TUSC3: variants seen among roughly 807,000 people sequenced by gnomAD.
The protein encoded by TUSC3 is tumor suppressor candidate 3, also known as dolichyl-diphosphooligosaccharide--protein glycosyltransferase subunit TUSC3.
A neutral mutation model predicts 44.8 loss-of-function variants in TUSC3; 45 were observed. That is an observed-to-expected ratio of 1.00 (90% confidence interval 0.79 to 1.29). The LOEUF is 1.29. Among genes scored for constraint, TUSC3 ranks in the 50% most tolerant of loss-of-function variants. The probability of loss-of-function intolerance (pLI) is 0.00; values close to 1 mark genes in which losing one functional copy is unlikely to be tolerated. For missense variants in TUSC3, 519 were observed against 437.9 expected (o/e 1.19, Z -1.65); for synonymous variants, 212 against 152.9 (o/e 1.39, Z -2.85).
chr8:15,769,372 T>C (rs1342179884), downstream of TUSC3, among the ~76,000 whole-genome samples: 1 of 152,024 alleles, frequency 6.6e-6, no homozygotes, highest in Non-Finnish European at 1.5e-5. Flanking sequence ...ACTGGCTAGC[T>C]ATATGCAGAA....
At chr8:15,647,366 AT>A (rs1806679119) in intron 2 of TUSC3, among the ~76,000 whole-genome samples, 1 of 152,274 alleles carries the variant, frequency 6.6e-6, no homozygotes, top group Non-Finnish European at 1.5e-5. Context: ...TAAGCTGCAT[AT>A]TTGAACCTTG....
chr8:15,828,816 C>T, the TUSC3 span, among the ~76,000 whole-genome samples: 2 of 152,108 alleles, frequency 1.3e-5, no homozygotes. Flanking sequence ...AGGCTGAAAA[C>T]AGTCTGTTTT....
At chr8:15,540,120 C>G (rs1029823278), upstream of TUSC3, 13 of 339,582 alleles carry the variant, frequency 3.8e-5, no homozygotes, top group Non-Finnish European at 6.4e-5. Flanking sequence ...GACCACTCCT[C>G]TCCTCAGCGC....
intron 9 of TUSC3, among the ~76,000 whole-genome samples, chr8:15,755,105 A>G (rs1398933131): frequency 6.6e-6 from 1 of 152,118 alleles, no homozygotes; most frequent in Non-Finnish European, 1.5e-5. Context: ...TCATGCCATT[A>G]CTAAATTCTC....
intron 7 of TUSC3, among the ~76,000 whole-genome samples, chr8:15,737,866 A>C (rs1055237635): frequency 6.6e-6 from 1 of 152,174 alleles, no homozygotes; most frequent in African/African-American, 2.4e-5. Flanking sequence ...ATAAAAATTA[A>C]GATTTTTATG....
intron 1 of TUSC3, among the ~76,000 whole-genome samples, chr8:15,442,397 A>G (rs1024492343): frequency 6.6e-6 from 1 of 152,138 alleles, no homozygotes; most frequent in African/African-American, 2.4e-5. Context: ...GAAAAAAGGT[A>G]AAGTTATTAG....
At position 15,766,316 on chromosome 8, in the gene TUSC3, A is replaced by G. The variant is rs1315037228; in HGVS notation, c.*2160A>G. Reference sequence around the variant, plus strand: ...GAATTGCAAAGAGTGGCTCAAACATATAGTTTGCTTGCAGAATGTAACGTG... The same window carrying G: ...GAATTGCAAAGAGTGGCTCAAACATGTAGTTTGCTTGCAGAATGTAACGTG... On this transcript the variant is annotated 3_prime_UTR_variant, in exon 11 of 11. Coordinates refer to ENST00000503731, the MANE Select transcript of TUSC3 (RefSeq NM_006765.4). 2 of 152,106 alleles carry G rather than the reference A, an allele frequency of 1.3e-5. No homozygotes were observed. Among genetic ancestry groups the G allele is most frequent in the Admixed American group, 6.6e-5 (1 of 15,254 alleles). The allele number at this position is 152,106 out of a possible 1,614,324, so 9.4% of individuals were successfully genotyped here. A position where few individuals can be genotyped will look rare whatever the true frequency, so the allele number is the denominator to read the frequency against.
At chr8:15,846,720 G>T in the TUSC3 span, among the ~76,000 whole-genome samples, 2 of 152,046 alleles carry the variant, frequency 1.3e-5, no homozygotes, top group African/African-American at 2.4e-5. Context: ...GGCCTGTGGT[G>T]GGGTGAAGGG....
Position 15,659,518 on chromosome 8 carries a change from C to T in TUSC3, c.438C>T (p.Asn146=). 1.2e-6 allele frequency: 2 copies of T among 1,612,662 alleles called. No individual in the cohort carries two copies. The change falls in exon 4 of 11, where the codon AAC becomes AAT. Residue 146 remains asparagine (N), a synonymous_variant. Transcript: ENST00000503731. ...CTCATGTTTTACAGCTCAACATGAA[C>T]TCTGCTCCTACATTCATGCATTTTC... ...GTDVFQQLNM[N]SAPTFMHFPP... is the part of the protein sequence containing the mutation.
intron 2 of TUSC3, among the ~76,000 whole-genome samples, chr8:15,489,724 G>A (rs1241284640): frequency 1.3e-5 from 2 of 152,144 alleles, no homozygotes; most frequent in African/African-American, 4.8e-5. Context: ...TTGGCCAGTT[G>A]CGCATGAATT....
chr8:15,752,391 T>A (rs1811745484), intron 9 of TUSC3, among the ~76,000 whole-genome samples: 1 of 151,522 alleles, frequency 6.6e-6, no homozygotes, highest in Admixed American at 6.6e-5. Flanking sequence ...ATACATTAAT[T>A]AGACAGAAAG....
intron 1 of TUSC3, among the ~76,000 whole-genome samples, chr8:15,479,243 C>T (rs570558616): frequency 1.3e-5 from 2 of 152,190 alleles, no homozygotes; most frequent in African/African-American, 4.8e-5. Context: ...TGTCTGTTTA[C>T]TCTGATGATA....
intron 1 of TUSC3, among the ~76,000 whole-genome samples, chr8:15,566,807 T>G (rs1802695703): frequency 6.6e-6 from 1 of 152,086 alleles, no homozygotes; most frequent in African/African-American, 2.4e-5. Flanking sequence ...TGTATGTGTT[T>G]GTGTTTGTAG....
At chr8:15,834,260 C>G in the TUSC3 span, among the ~76,000 whole-genome samples, 2 of 151,902 alleles carry the variant, frequency 1.3e-5, no homozygotes, top group Non-Finnish European at 2.9e-5. Context: ...ATTGACCTTG[C>G]ACTTTCATAC....
chr8:15,498,451 C>T (rs527923645), intron 2 of TUSC3, among the ~76,000 whole-genome samples: 10 of 152,172 alleles, frequency 6.6e-5, no homozygotes, highest in East Asian at 3.9e-4. Context: ...AGGGAAGCAC[C>T]GGAAAACTAC....
intron 2 of TUSC3, among the ~76,000 whole-genome samples, chr8:15,508,561 G>A (rs906396588): frequency 1.2e-4 from 17 of 142,710 alleles, no homozygotes; most frequent in African/African-American, 2.3e-4. Context: ...TCCCGGGTTC[G>A]TGCCATTCTC....
At chr8:15,830,456 A>G in the TUSC3 span, among the ~76,000 whole-genome samples, 97,865 of 152,026 alleles carry the variant, frequency 0.64, 32,279 homozygotes, top group Non-Finnish European at 0.72. Context: ...AGACACCTGC[A>G]CTTGTATATT....
chr8:15,652,148 A>G (rs1377792132), intron 3 of TUSC3, among the ~76,000 whole-genome samples: 3 of 152,204 alleles, frequency 2.0e-5, no homozygotes, highest in Non-Finnish European at 4.4e-5. Flanking sequence ...ATCTATTTAA[A>G]ATGCAAAACT....
intron 6 of TUSC3, among the ~76,000 whole-genome samples, chr8:15,704,946 T>TA (rs5889597): frequency 7.2e-4 from 108 of 149,978 alleles, no homozygotes; most frequent in African/African-American, 1.5e-3. Flanking sequence ...CTGTATTCTT[T>TA]AAAAAAAAAA....
Sources: allele counts gnomAD v4.1 joint callset (sites outside exome capture counted in the v4.1 genomes callset), GRCh38; gene constraint gnomAD v4.1.1; transcripts MANE v1.5; gene names NCBI Gene and HGNC (gene_info 2026-07-23, HGNC 2026-07-21).